The following SCHIP1 variants were observed in gnomAD, a reference collection of about 807,000 sequenced individuals.
The protein encoded by SCHIP1 is schwannomin-interacting protein 1.
A neutral mutation model predicts 29.7 loss-of-function variants in SCHIP1; 8 were observed. The ratio of observed to expected loss-of-function variants is 0.27; its 90% confidence interval spans 0.16 to 0.49. The LOEUF (loss-of-function observed/expected upper bound fraction) is 0.49, where lower values mean the gene tolerates loss of function less well. SCHIP1 is among the 20% of genes least tolerant of loss of function. The probability of loss-of-function intolerance (pLI) is 0.99; values close to 1 mark genes in which losing one functional copy is unlikely to be tolerated. For missense variants in SCHIP1, 193 were observed against 294.6 expected, an observed-to-expected ratio of 0.66 and a Z score of 2.52; for synonymous variants, 76 against 94.9, an observed-to-expected ratio of 0.80 and a Z score of 1.16.
At chr3:159,615,411 GAA>G in the SCHIP1 span, among the ~76,000 whole-genome samples, 2 of 152,342 alleles carry the variant, frequency 1.3e-5, no homozygotes, top group East Asian at 3.9e-4. Context: ...AACAGTAGAG[GAA>G]AAGACAGCCA....
chr3:159,659,523 G>A, the SCHIP1 span, among the ~76,000 whole-genome samples: 19,209 of 152,168 alleles, frequency 0.13, 3,391 homozygotes, highest in African/African-American at 0.39. Context: ...AGAACCATCA[G>A]ACCATGCAGC....
the SCHIP1 span, among the ~76,000 whole-genome samples, chr3:159,411,760 T>G: frequency 5.0e-4 from 76 of 152,296 alleles, 2 homozygotes; most frequent in East Asian, 0.014. Context: ...AGAATTACTT[T>G]CATGTAACCT....
At chr3:159,756,418 A>G in the SCHIP1 span, among the ~76,000 whole-genome samples, 5 of 152,136 alleles carry the variant, frequency 3.3e-5, no homozygotes, top group African/African-American at 1.2e-4. Flanking sequence ...GCTGGGACAT[A>G]GGGCACCAAG....
At chr3:159,610,617 T>C in the SCHIP1 span, among the ~76,000 whole-genome samples, 2 of 152,190 alleles carry the variant, frequency 1.3e-5, no homozygotes, top group African/African-American at 2.4e-5. Context: ...CCTTTGGAGT[T>C]TGAAACAAAA....
chr3:159,623,134 T>C, the SCHIP1 span, among the ~76,000 whole-genome samples: 1 of 152,096 alleles, frequency 6.6e-6, no homozygotes, highest in African/African-American at 2.4e-5. Flanking sequence ...ACAAGCTTAA[T>C]AGACTTGAAA....
the SCHIP1 span, among the ~76,000 whole-genome samples, chr3:159,758,959 C>G: frequency 6.6e-6 from 1 of 152,204 alleles, no homozygotes; most frequent in Non-Finnish European, 1.5e-5. Context: ...CATTCACCTA[C>G]TTTCTGTAAG....
chr3:159,643,188 C>A, the SCHIP1 span, among the ~76,000 whole-genome samples: 1 of 152,196 alleles, frequency 6.6e-6, no homozygotes, highest in East Asian at 1.9e-4. Context: ...CAGGTGTTCA[C>A]AAGAAGGTTA....
At chr3:159,387,545 TCAGATA>T in the SCHIP1 span, 1 of 159,836 alleles carries the variant, frequency 6.3e-6, no homozygotes, top group Non-Finnish European at 1.4e-5. Context: ...ACCAATGAAT[TCAGATA>T]CTTCTTAAGG....
chr3:159,352,561 C>CTG, the SCHIP1 span, among the ~76,000 whole-genome samples: 1 of 151,908 alleles, frequency 6.6e-6, no homozygotes, highest in African/African-American at 2.4e-5. Flanking sequence ...TTTCCAAACT[C>CTG]TGTGTGTGTG....
the SCHIP1 span, among the ~76,000 whole-genome samples, chr3:159,298,465 C>G: frequency 6.6e-6 from 1 of 152,210 alleles, no homozygotes; most frequent in African/African-American, 2.4e-5. Context: ...CAGCACACAA[C>G]TTATAGATTA....
the SCHIP1 span, among the ~76,000 whole-genome samples, chr3:159,406,739 A>G: frequency 2.0e-5 from 3 of 152,200 alleles, no homozygotes; most frequent in African/African-American, 7.2e-5. Flanking sequence ...AAAGTTAAAA[A>G]GTGGGGGGAC....
chr3:159,854,127 G>C (rs1245829575), intron 1 of SCHIP1, among the ~76,000 whole-genome samples: 1 of 152,202 alleles, frequency 6.6e-6, no homozygotes, highest in Non-Finnish European at 1.5e-5. Flanking sequence ...CACAAGTCAA[G>C]TGTAGTTCAC....
the SCHIP1 span, among the ~76,000 whole-genome samples, chr3:159,497,189 G>A: frequency 1.3e-5 from 2 of 151,844 alleles, no homozygotes; most frequent in African/African-American, 2.4e-5. Context: ...CATGGCACAT[G>A]TATACATGTG....
the SCHIP1 span, among the ~76,000 whole-genome samples, chr3:159,363,361 C>A: frequency 2.0e-5 from 3 of 152,098 alleles, no homozygotes; most frequent in East Asian, 5.8e-4. Flanking sequence ...TTGTAAAGAG[C>A]AGAGTGAAAT....
the SCHIP1 span, among the ~76,000 whole-genome samples, chr3:159,577,563 G>A: frequency 6.6e-6 from 1 of 152,310 alleles, no homozygotes; most frequent in African/African-American, 2.4e-5. Context: ...ACAGCAGGGT[G>A]GGAGTGATGC....
At chr3:159,383,067 C>T in the SCHIP1 span, among the ~76,000 whole-genome samples, 1 of 150,040 alleles carries the variant, frequency 6.7e-6, no homozygotes, top group African/African-American at 2.5e-5. Context: ...TGCCTGTTCA[C>T]TCTGACGGTA....
chr3:159,490,966 G>A, the SCHIP1 span, among the ~76,000 whole-genome samples: 1 of 152,016 alleles, frequency 6.6e-6, no homozygotes, highest in Non-Finnish European at 1.5e-5. Flanking sequence ...ACCTTTAAAG[G>A]GTCATTCAAT....
the SCHIP1 span, among the ~76,000 whole-genome samples, chr3:159,830,669 C>T: frequency 1.3e-5 from 2 of 152,224 alleles, no homozygotes; most frequent in East Asian, 3.9e-4. Flanking sequence ...GAGAAGTATC[C>T]TGACACCAGC....
At chr3:159,472,852 A>T in the SCHIP1 span, among the ~76,000 whole-genome samples, 1 of 152,166 alleles carries the variant, frequency 6.6e-6, no homozygotes, top group Admixed American at 6.5e-5. Context: ...GGCTTCCTGT[A>T]GTTAAGATTC....
Sources: gnomAD v4.1 joint callset for allele counts (sites outside exome capture counted in the v4.1 genomes callset) on GRCh38, gnomAD v4.1.1 for gene constraint, MANE v1.5 for transcripts, NCBI Gene and HGNC (gene_info 2026-07-23, HGNC 2026-07-21) for gene names.